CELF2: variants seen among roughly 807,000 people sequenced by gnomAD.
CELF2 encodes CUG triplet repeat RNA-binding protein 2.
A neutral mutation model predicts 62.6 loss-of-function variants in CELF2; 8 were observed. The ratio of observed to expected loss-of-function variants is 0.13; its 90% CI spans 0.07 to 0.23. The LOEUF is 0.23. Ranked by LOEUF, CELF2 falls within the 10% of genes least tolerant of loss-of-function variation. The pLI, the probability that CELF2 is intolerant of heterozygous loss-of-function variation, is 1.00. For synonymous variants in CELF2, 258 were observed against 250.0 expected (o/e 1.03, Z -0.30); for missense variants, 333 against 671.0 (o/e 0.50, Z 5.56).
Position 11,059,726 on chromosome 10 carries a change from C to T in CELF2, c.74+41563C>T, listed in dbSNP as rs573599898. Among the ~76,000 whole-genome samples the T allele has an allele frequency of 7.2e-5, 11 of 152,252 alleles. No individual in the cohort carries two copies. The South Asian group carries it at 1.5e-3, about 20-fold the overall frequency. On this transcript the variant is annotated intron_variant, in intron 1 of 12. Coordinates refer to ENST00000633077, the MANE Select transcript of CELF2 (RefSeq NM_001326342.2). ...GTGATTTGTATCAGCCAGAGGGAAG[C>T]GCAGCCTCAGGCACTGGAAGAGTGA...
chr10:11,090,025 G>A (rs1411027569), intron 1 of CELF2, among the ~76,000 whole-genome samples: 1 of 152,156 alleles, frequency 6.6e-6, no homozygotes. Context: ...ACTCCAAAGA[G>A]TTGGGAGGAA....
chr10:11,079,889 C>T (rs2073476606), intron 1 of CELF2, among the ~76,000 whole-genome samples: 1 of 152,102 alleles, frequency 6.6e-6, no homozygotes, highest in African/African-American at 2.4e-5. Flanking sequence ...GTGCAAACAG[C>T]AATAGCAAGA....
chr10:10,833,743 A>G (rs894118440), intron 1 of CELF2, among the ~76,000 whole-genome samples: 1 of 152,240 alleles, frequency 6.6e-6, no homozygotes, highest in African/African-American at 2.4e-5. Context: ...AGAGAAATGC[A>G]AATCAAAATC....
At chr10:10,813,426 G>T (rs2056132248) in intron 1 of CELF2, among the ~76,000 whole-genome samples, 1 of 152,208 alleles carries the variant, frequency 6.6e-6, no homozygotes, top group Non-Finnish European at 1.5e-5. Flanking sequence ...CAGAGCTGTG[G>T]AAATGGCAGT....
At chr10:11,066,090 C>T (rs1006381840) in intron 1 of CELF2, among the ~76,000 whole-genome samples, 8 of 152,100 alleles carry the variant, frequency 5.3e-5, no homozygotes, top group African/African-American at 1.9e-4. Flanking sequence ...GGAGATCAGG[C>T]CACCGGAAGT....
At chr10:10,508,168 C>T in the CELF2 span, among the ~76,000 whole-genome samples, 43 of 149,184 alleles carry the variant, frequency 2.9e-4, no homozygotes, top group African/African-American at 1.0e-3. Context: ...CAGACAAATA[C>T]AAAAAAAAAA....
chr10:10,949,696 G>C (rs2048094553), intron 2 of CELF2, among the ~76,000 whole-genome samples: 1 of 151,824 alleles, frequency 6.6e-6, no homozygotes, highest in African/African-American at 2.4e-5. Context: ...AGCTACTAGG[G>C]AAGCTGAGGC....
chr10:10,813,561 G>A (rs2131789305), intron 1 of CELF2, among the ~76,000 whole-genome samples: 1 of 152,338 alleles, frequency 6.6e-6, no homozygotes, highest in South Asian at 2.1e-4. Context: ...GACTTCGCAT[G>A]TGTCCTTCCT....
Position 11,157,225 on chromosome 10 carries a change from T to C in CELF2, c.75-8261T>C, listed in dbSNP as rs2064660951. Among the ~76,000 whole-genome samples, 1 of 152,154 alleles carries C rather than the reference T, an allele frequency of 6.6e-6. No homozygotes were observed. The highest frequency in any genetic ancestry group is 2.1e-4 in the South Asian group (1 of 4,824). On this transcript the variant is annotated intron_variant, in intron 1 of 12. Coordinates refer to ENST00000633077, the MANE Select transcript of CELF2 (RefSeq NM_001326342.2). The surrounding 1 kb of genome is among the most constrained non-coding windows in gnomAD (Gnocchi z 4.9). Reference sequence around the variant, plus strand: ...TACTTCCGTGCCTCTCACACATGCATGGTTGTAGAGGAGCTGTGCTCTGGG... The same window carrying C: ...TACTTCCGTGCCTCTCACACATGCACGGTTGTAGAGGAGCTGTGCTCTGGG...
chr10:11,329,199 T>G lies in CELF2; in HGVS notation c.*146T>G. 1.3e-6 allele frequency: 1 copy of G among 755,816 alleles called. No homozygotes were observed. Among genetic ancestry groups the G allele is most frequent in the Non-Finnish European group, 2.0e-6 (1 of 499,260 alleles). The allele number at this position is 755,816 out of a possible 1,614,324, so 46.8% of individuals were successfully genotyped here. On this transcript the variant is annotated 3_prime_UTR_variant, in exon 13 of 13. Transcript: ENST00000633077. The surrounding 1 kb of genome is among the most constrained non-coding windows in gnomAD (Gnocchi z 5.5). ...GGTTATTTTTACAATAAGGCCTCCA[T>G]GTCCCCACCCACTTCCCCTACCCAG...
At chr10:11,161,352 G>A (rs2065683172) in intron 1 of CELF2, among the ~76,000 whole-genome samples, 1 of 152,212 alleles carries the variant, frequency 6.6e-6, no homozygotes, top group Non-Finnish European at 1.5e-5. Flanking sequence ...GCAGTTTGCA[G>A]GCAAGGTGCC....
the CELF2 span, among the ~76,000 whole-genome samples, chr10:10,556,349 A>G: frequency 1.3e-5 from 2 of 152,076 alleles, no homozygotes; most frequent in African/African-American, 4.8e-5. Flanking sequence ...ATGTCCCTAC[A>G]AAGGACATGA....
the CELF2 span, among the ~76,000 whole-genome samples, chr10:10,561,165 A>T: frequency 1.3e-5 from 2 of 152,186 alleles, no homozygotes; most frequent in East Asian, 3.8e-4. Context: ...CTTATGGAAA[A>T]ATAAAATTTT....
intron 1 of CELF2, among the ~76,000 whole-genome samples, chr10:10,799,853 T>C (rs987346177): frequency 1.3e-5 from 2 of 152,226 alleles, no homozygotes; most frequent in South Asian, 4.1e-4. Context: ...TTTTTGGCAA[T>C]TTTTGAAATA....
the CELF2 span, among the ~76,000 whole-genome samples, chr10:10,489,011 C>G: frequency 3.3e-5 from 5 of 152,024 alleles, no homozygotes; most frequent in African/African-American, 1.2e-4. Context: ...CCAAGCAAGG[C>G]TATGGAGAAT....
chr10:10,620,215 A>G, the CELF2 span, among the ~76,000 whole-genome samples: 1 of 152,210 alleles, frequency 6.6e-6, no homozygotes, highest in Non-Finnish European at 1.5e-5. Context: ...ATTTGTTTAC[A>G]TACAATCTAA....
At chr10:11,002,699 C>T (rs534151619), upstream of CELF2, among the ~76,000 whole-genome samples, 1 of 152,234 alleles carries the variant, frequency 6.6e-6, no homozygotes, top group African/African-American at 2.4e-5. The surrounding 1 kb of genome is among the most constrained non-coding windows in gnomAD (Gnocchi z 4.4). Flanking sequence ...AAATCAATTG[C>T]TAAATGTGAA....
the CELF2 span, among the ~76,000 whole-genome samples, chr10:10,484,314 C>T: frequency 1.4e-4 from 2 of 14,214 alleles, no homozygotes. Context: ...CCCTCCCCTG[C>T]ACTCTTGTCT....
chr10:10,881,483 G>A (rs2061434689), intron 1 of CELF2, among the ~76,000 whole-genome samples: 1 of 152,106 alleles, frequency 6.6e-6, no homozygotes, highest in South Asian at 2.1e-4. Flanking sequence ...CAAACTTAAT[G>A]CCTCTCTCCA....
Sources: gnomAD v4.1 joint callset for allele counts (sites outside exome capture counted in the v4.1 genomes callset) on GRCh38, gnomAD v4.1.1 for gene constraint, Gnocchi (gnomAD v3.1) non-coding constraint, MANE v1.5 for transcripts, NCBI Gene and HGNC (gene_info 2026-07-23, HGNC 2026-07-21) for gene names.